The following CIPC variants were observed in gnomAD, a reference collection of about 807,000 sequenced individuals.
CIPC encodes CLOCK interacting pacemaker, also known as CLOCK-interacting pacemaker.
Under a neutral mutation model 26.7 loss-of-function variants are expected in CIPC, and 12 were observed. The observed-to-expected ratio is 0.45, with a 90% confidence interval of 0.29 to 0.73. The LOEUF is 0.73. Among genes scored for constraint, CIPC ranks in the 30% least tolerant of loss-of-function variants. CIPC has a pLI of 0.12. For synonymous variants in CIPC, 170 were observed against 189.8 expected (o/e 0.90, Z 0.86); for missense variants, 417 against 486.5 (o/e 0.86, Z 1.34).
At chr14:77,103,627 A>G (rs1283599081) in intron 1 of CIPC, among the ~76,000 whole-genome samples, 1 of 152,180 alleles carries the variant, frequency 6.6e-6, no homozygotes, top group Non-Finnish European at 1.5e-5. Flanking sequence ...GAATGTTCTT[A>G]TTCTCAGCCA....
In CIPC at chr14:77,100,240, C is replaced by CTTTTTTTTT. The variant is rs57785837; in HGVS notation, c.-53+1890_-53+1898dup. Among the ~76,000 whole-genome samples the CTTTTTTTTT allele has an allele frequency of 4.8e-4, 63 of 130,514 alleles. 1 individual carries two copies. The highest frequency in any genetic ancestry group is 6.1e-4 in the Non-Finnish European group (38 of 62,100). The allele number at this position is 130,514 out of a possible 152,430, so 85.6% of individuals were successfully genotyped here. A position where few individuals can be genotyped will look rare whatever the true frequency, so the allele number is the denominator to read the frequency against. ...ATTTATTGATTCACTTTCTTTCTTT[C>CTTTTTTTTT]TTTTTTTTTTTTTTTTTTTGAGACG... is the stretch of plus-strand genomic sequence containing the variant. On this transcript the variant is annotated intron_variant, in intron 1 of 3. Coordinates refer to ENST00000361786, the MANE Select transcript of CIPC (RefSeq NM_033426.3).
rs1886826223 is a variant in CIPC, at chr14:77,117,089, TCTGA to T, written c.*2774_*2777del. The T allele has an allele frequency of 6.6e-6, 1 of 152,620 alleles. No individual in the cohort carries two copies. Among genetic ancestry groups the T allele is most frequent in the African/African-American group, 2.4e-5 (1 of 41,454 alleles). 9.5% of individuals were successfully genotyped at this position (152,620 alleles called of 1,614,324 possible). ...TTGGTTTTTATTGATTATAGTATTG[TCTGA>T]CTTTTTATTTTCTACTATGGTTCCT... On this transcript the variant is annotated 3_prime_UTR_variant, in exon 4 of 4. Coordinates refer to ENST00000361786, the MANE Select transcript of CIPC (RefSeq NM_033426.3).
rs371541409 is a variant in CIPC, at chr14:77,110,448, TTTCTTAGTAG to T, written c.306+469_306+478del. Among the ~76,000 whole-genome samples, 609 of 152,320 alleles carry T rather than the reference TTTCTTAGTAG, an allele frequency of 4.0e-3. 3 individuals are homozygous for T. Among genetic ancestry groups the T allele is most frequent in the African/African-American group, 0.014 (590 of 41,570 alleles). On this transcript the variant is annotated intron_variant, in intron 3 of 3. Transcript: ENST00000361786. The stretch of plus-strand genomic sequence containing the variant: ...GTTTCTTATGTCATATACTGAGCAT[TTTCTTAGTAG>T]TCAGCCAGAGCCTGTCATTAGTGAC...
At chr14:77,105,467 G>A (rs1886572893) in intron 1 of CIPC, among the ~76,000 whole-genome samples, 190 bp from the exon 2 acceptor site, 1 of 152,212 alleles carries the variant, frequency 6.6e-6, no homozygotes, top group Non-Finnish European at 1.5e-5. Flanking sequence ...GGCAGCCAGA[G>A]GACTGTGAAT....
chr14:77,100,867 C>A (rs1458038996), intron 1 of CIPC, among the ~76,000 whole-genome samples: 1 of 152,204 alleles, frequency 6.6e-6, no homozygotes, highest in Non-Finnish European at 1.5e-5. Flanking sequence ...CCACACCCGG[C>A]CTGATTCACT....
chr14:77,114,052 A>G lies in CIPC; in HGVS notation c.934A>G (p.Ser312Gly). 6.2e-7 allele frequency: 1 copy of G among 1,614,198 alleles called. No homozygotes were observed. The highest frequency in any genetic ancestry group is 8.5e-7 in the Non-Finnish European group (1 of 1,180,040). ...SPDIFSEQRQ[S>G]KHRRFQNTLV... ...AGATATCTTTTCAGAGCAGCGGCAG[A>G]GCAAACATAGGCGCTTTCAGAATAC... The change falls in exon 4 of 4, where the codon AGC becomes GGC. Residue 312 changes from serine (S) to glycine (G), a missense_variant. Ser to Gly is a moderately conservative substitution (Grantham distance 56, BLOSUM62 0). Coordinates refer to ENST00000361786, the MANE Select transcript of CIPC (RefSeq NM_033426.3).
chr14:77,105,704 A>T lies in CIPC; in HGVS notation c.-5A>T. The T allele has an allele frequency of 1.2e-6, 2 of 1,613,256 alleles. No individual in the cohort carries two copies. Among genetic ancestry groups the T allele is most frequent in the Non-Finnish European group, 1.7e-6 (2 of 1,179,676 alleles). On this transcript the variant is annotated 5_prime_UTR_variant, in exon 2 of 4. It removes the in-frame stop codon of an upstream open reading frame in the 5' UTR. Coordinates refer to ENST00000361786, the MANE Select transcript of CIPC (RefSeq NM_033426.3). Reference sequence around the variant, plus strand: ...CCAATGAATCTGCCTCCAGCTGAATAAACCATGGAGAGGAAAAACCCATCC... The same window carrying T: ...CCAATGAATCTGCCTCCAGCTGAATTAACCATGGAGAGGAAAAACCCATCC...
chr14:77,108,417 C>T (rs908280270), intron 2 of CIPC, among the ~76,000 whole-genome samples: 1 of 152,104 alleles, frequency 6.6e-6, no homozygotes, highest in African/African-American at 2.4e-5. Flanking sequence ...CTTGGCCGGG[C>T]GCGTTGCCTC....
Position 77,113,452 on chromosome 14 carries a change from T to A in CIPC, c.334T>A (p.Trp112Arg), listed in dbSNP as rs1378048609. 2 of 1,614,046 alleles carry A rather than the reference T, an allele frequency of 1.2e-6. No individual in the cohort carries two copies. The highest frequency in any genetic ancestry group is 1.7e-6 in the Non-Finnish European group (2 of 1,180,036). Residue 112 changes from tryptophan (W) to arginine (R), a missense_variant, in exon 4 of 4, where the codon TGG becomes AGG. By Grantham distance (101) the Trp-to-Arg change is moderately radical. Transcript: ENST00000361786. Reference sequence around the variant, plus strand: ...CAGCAGCTCATCCCAGCTCCAGTCGTGGACTGTCCAGCCCTCCTTTGAAGT... The same window carrying A: ...CAGCAGCTCATCCCAGCTCCAGTCGAGGACTGTCCAGCCCTCCTTTGAAGT... The part of the protein sequence containing the change: ...QGSSSSQLQS[W>R]TVQPSFEVIS...
chr14:77,101,127 C>T (rs914101902), intron 1 of CIPC, among the ~76,000 whole-genome samples: 2 of 152,190 alleles, frequency 1.3e-5, no homozygotes, highest in African/African-American at 4.8e-5. Context: ...AACTCCTAGT[C>T]AGTGTGAGCA....
At chr14:77,102,235 A>G (rs1886503398) in intron 1 of CIPC, among the ~76,000 whole-genome samples, 1 of 152,294 alleles carries the variant, frequency 6.6e-6, no homozygotes, top group Non-Finnish European at 1.5e-5. Flanking sequence ...CCATTCTGGA[A>G]TGAGGGTTTT....
chr14:77,103,749 C>G (rs1480904998), intron 1 of CIPC, among the ~76,000 whole-genome samples: 2 of 152,180 alleles, frequency 1.3e-5, no homozygotes, highest in Non-Finnish European at 2.9e-5. Flanking sequence ...TCCTGGGCTT[C>G]AGTCTTACAT....
chr14:77,111,314 A>C (rs1044830427), intron 3 of CIPC, among the ~76,000 whole-genome samples: 2 of 152,226 alleles, frequency 1.3e-5, no homozygotes, highest in Non-Finnish European at 1.5e-5. Flanking sequence ...TTTAAGACAA[A>C]GACCCGCCAG....
intron 1 of CIPC, among the ~76,000 whole-genome samples, chr14:77,105,449 A>C (rs1886572532): frequency 6.6e-6 from 1 of 152,166 alleles, no homozygotes; most frequent in African/African-American, 2.4e-5. Flanking sequence ...TTTGTAATGG[A>C]ATTAGAGGGC....
rs1376253687 is a variant in CIPC at position 77,113,450 on chromosome 14, C to T, written c.332C>T (p.Ser111Leu). The change falls in exon 4 of 4, where the codon TCG becomes TTG. Residue 111 changes from serine to leucine, a missense_variant. Transcript: ENST00000361786. The part of the protein sequence containing the change: ...KQGSSSSQLQ[S>L]WTVQPSFEVI... ...GGCAGCAGCTCATCCCAGCTCCAGT[C>T]GTGGACTGTCCAGCCCTCCTTTGAA... 4 of 1,614,014 alleles carry T rather than the reference C, an allele frequency of 2.5e-6. No homozygotes were observed. In the South Asian group the frequency reaches 3.3e-5, roughly 13 times the overall value.
rs775912206 is a variant in CIPC at position 77,113,618 on chromosome 14, C to A, written c.500C>A (p.Pro167Gln). The A allele has an allele frequency of 7.4e-6, 12 of 1,614,136 alleles. No homozygotes were observed. The Admixed American group carries it at 1.0e-4, about 13-fold the overall frequency. Reference protein sequence around the residue: ...LNSYTKIAPHPGKRGLSLGPE... With the variant: ...LNSYTKIAPHQGKRGLSLGPE... The stretch of plus-strand genomic sequence containing the variant: ...TCTTACACCAAAATAGCCCCACATC[C>A]AGGCAAAAGGGGCCTTTCCCTTGGC... The change falls in exon 4 of 4, where the codon CCA becomes CAA. Residue 167 changes from proline to glutamine, a missense_variant. Pro to Gln is a moderately conservative substitution (Grantham distance 76). Transcript: ENST00000361786.
chr14:77,104,348 C>T (rs1886550219), intron 1 of CIPC, among the ~76,000 whole-genome samples: 1 of 152,224 alleles, frequency 6.6e-6, no homozygotes, highest in Admixed American at 6.5e-5. Context: ...GATCACGCCA[C>T]TGCACTGCAG....
intron 2 of CIPC, among the ~76,000 whole-genome samples, chr14:77,109,143 A>G (rs11159248): frequency 0.41 from 61,792 of 152,030 alleles, 13,189 homozygotes; most frequent in East Asian, 0.54. Flanking sequence ...ATGGTTCTTA[A>G]CTAGAGGTGT....
chr14:77,109,735 T>G, intron 2 of CIPC, 77 bp from the exon 3 acceptor site: 1 of 1,339,994 alleles, frequency 7.5e-7, no homozygotes. Flanking sequence ...TTTCAAGAGG[T>G]CTGTAGCTCC....
Sources: allele counts gnomAD v4.1 joint callset (sites outside exome capture counted in the v4.1 genomes callset), GRCh38; gene constraint gnomAD v4.1.1; transcripts MANE v1.5; gene names NCBI Gene and HGNC (gene_info 2026-07-23, HGNC 2026-07-21).